Variants in ARHGEF4 observed in about 807,000 individuals in gnomAD.
The protein encoded by ARHGEF4 is APC-stimulated guanine nucleotide exchange factor 1.
ARHGEF4 carries 119 observed loss-of-function variants against 162.0 expected under a neutral mutation model. The observed-to-expected ratio is 0.73, with a 90% confidence interval of 0.63 to 0.86. The LOEUF (loss-of-function observed/expected upper bound fraction) is 0.86, where lower values mean the gene tolerates loss of function less well. Among genes scored for constraint, ARHGEF4 ranks in the 40% least tolerant of loss-of-function variants. The pLI, the probability that ARHGEF4 is intolerant of heterozygous loss-of-function variation, is 0.00. For synonymous variants in ARHGEF4, 1,014 were observed against 979.9 expected (o/e 1.03, Z -0.65); for missense variants, 2,488 against 2,456.0 (o/e 1.01, Z -0.28).
At chr2:130,865,892 G>T (rs1360790801) in intron 1 of ARHGEF4, among the ~76,000 whole-genome samples, 3 of 152,092 alleles carry the variant, frequency 2.0e-5, no homozygotes, top group Non-Finnish European at 2.9e-5. Flanking sequence ...TGCCTGACCA[G>T]CCCAGAGGAG....
chr2:130,955,149 C>T (rs540266160), intron 4 of ARHGEF4, among the ~76,000 whole-genome samples: 33 of 152,236 alleles, frequency 2.2e-4, no homozygotes, highest in African/African-American at 7.7e-4. Flanking sequence ...TGAATGCGTT[C>T]ATTGATATTC....
chr2:130,855,030 C>T (rs1302165256), intron 1 of ARHGEF4, among the ~76,000 whole-genome samples: 2 of 149,556 alleles, frequency 1.3e-5, no homozygotes, highest in Non-Finnish European at 3.0e-5. Context: ...CCCGCGACCA[C>T]GCCCGGCAAA....
chr2:130,976,639 A>C (rs533546476), intron 4 of ARHGEF4, among the ~76,000 whole-genome samples: 90 of 152,308 alleles, frequency 5.9e-4, no homozygotes, highest in African/African-American at 2.1e-3. Context: ...TTCAGAAATA[A>C]ATACGAGTCC....
chr2:130,841,371 CTT>C (rs35533760), intron 1 of ARHGEF4, among the ~76,000 whole-genome samples: 14,490 of 132,794 alleles, frequency 0.11, 1,022 homozygotes, highest in East Asian at 0.2. Flanking sequence ...GCCTAGAAAG[CTT>C]TTTTTTTTTT....
At chr2:131,033,629 G>A (rs1320096580) in intron 5 of ARHGEF4, among the ~76,000 whole-genome samples, 1 of 152,192 alleles carries the variant, frequency 6.6e-6, no homozygotes, top group Non-Finnish European at 1.5e-5. Flanking sequence ...TCTTACTAGA[G>A]GACTGCTGGG....
chr2:130,946,931 C>T, intron 4 of ARHGEF4: 1 of 274,736 alleles, frequency 3.6e-6, no homozygotes, highest in Non-Finnish European at 7.3e-6. Flanking sequence ...GGTGAAACCC[C>T]ATCTCTACTA....
intron 4 of ARHGEF4, among the ~76,000 whole-genome samples, chr2:130,996,092 G>A (rs1429367528): frequency 1.3e-5 from 2 of 152,074 alleles, no homozygotes; most frequent in Non-Finnish European, 2.9e-5. Flanking sequence ...GTTTCACCAT[G>A]TTGGTTAGGC....
intron 1 of ARHGEF4, among the ~76,000 whole-genome samples, chr2:130,913,498 G>A (rs1450630361): frequency 6.6e-6 from 1 of 152,156 alleles, no homozygotes; most frequent in Non-Finnish European, 1.5e-5. Flanking sequence ...TGTTGTTGCT[G>A]TACTTTTTGT....
At chr2:130,893,366 A>G (rs914702612) in intron 1 of ARHGEF4, among the ~76,000 whole-genome samples, 1 of 151,948 alleles carries the variant, frequency 6.6e-6, no homozygotes, top group African/African-American at 2.4e-5. Flanking sequence ...TTTTTTCTCC[A>G]TATCCTCATT....
At chr2:130,839,145 G>T (rs1680423580) in intron 1 of ARHGEF4, among the ~76,000 whole-genome samples, 1 of 152,120 alleles carries the variant, frequency 6.6e-6, no homozygotes, top group South Asian at 2.1e-4. Context: ...TCCACTTCTG[G>T]CTGTGTGAGT....
chr2:131,041,063 C>T (rs940732548), intron 8 of ARHGEF4, among the ~76,000 whole-genome samples, 167 bp from the exon 9 acceptor site: 3 of 152,184 alleles, frequency 2.0e-5, no homozygotes, highest in Admixed American at 2.0e-4. Context: ...TGTGTGACTC[C>T]ATGTAGCTTA....
rs1279897426 is a variant in ARHGEF4 at position 130,864,994 on chromosome 2, T to G, written c.39+28002T>G. On this transcript the variant is annotated intron_variant, in intron 1 of 13. Transcript: ENST00000409359. ...GCAGAGCCAGCCAACCAGCCAGTAC[T>G]TCCTGAACGTTTTTGTTGTATGCAA... Among the ~76,000 whole-genome samples the G allele has an allele frequency of 9.2e-5, 14 of 152,348 alleles. 1 individual carries two copies. Among genetic ancestry groups the G allele is most frequent in the Admixed American group, 7.2e-4 (11 of 15,300 alleles).
intron 4 of ARHGEF4, among the ~76,000 whole-genome samples, chr2:130,977,076 CTG>C (rs1489280214): frequency 3.4e-5 from 5 of 147,416 alleles, no homozygotes; most frequent in Non-Finnish European, 6.0e-5. Context: ...ATGTGTGTTA[CTG>C]TGTGGTGTGT....
At position 130,917,400 on chromosome 2, in the gene ARHGEF4, C is replaced by T; in HGVS notation, c.3454C>T (p.Leu1152=). The stretch of plus-strand genomic sequence containing the variant: ...CAGTTTCCTGCTTTCTCTGCAGACG[C>T]TAAACCAAGATGAGCAGAAGGAAGA... ...QTSFLLSLQT[L]NQDEQKEESR... Residue 1152 remains leucine, a synonymous_variant, in exon 2 of 14, where the codon CTA becomes TTA. Coordinates refer to ENST00000409359, the MANE Select transcript of ARHGEF4 (RefSeq NM_001367493.1). 2 of 1,550,636 alleles carry T rather than the reference C, an allele frequency of 1.3e-6. No individual in the cohort carries two copies. The highest frequency in any genetic ancestry group is 1.7e-6 in the Non-Finnish European group (2 of 1,147,008).
At chr2:130,883,769 C>A (rs1679341815) in intron 1 of ARHGEF4, among the ~76,000 whole-genome samples, 1 of 152,082 alleles carries the variant, frequency 6.6e-6, no homozygotes. Context: ...TTCCAAGAGG[C>A]CTTAGGAAAC....
chr2:131,041,692 T>C, intron 9 of ARHGEF4, 123 bp from the exon 10 acceptor site: 1 of 1,357,006 alleles, frequency 7.4e-7, no homozygotes. Context: ...CATCTGATAG[T>C]GAGGATGTGG....
intron 1 of ARHGEF4, among the ~76,000 whole-genome samples, chr2:130,895,010 C>T (rs1394129879): frequency 6.6e-6 from 1 of 152,144 alleles, no homozygotes; most frequent in Non-Finnish European, 1.5e-5. Flanking sequence ...GACACATGTT[C>T]ACAATTGCAT....
intron 1 of ARHGEF4, among the ~76,000 whole-genome samples, chr2:130,897,902 G>T (rs1057206785): frequency 3.3e-5 from 5 of 152,204 alleles, no homozygotes; most frequent in Admixed American, 6.5e-5. Flanking sequence ...CGTGAAGGCT[G>T]CAGATTGGCA....
At chr2:130,962,431 C>T (rs1409513443) in intron 4 of ARHGEF4, among the ~76,000 whole-genome samples, 1 of 152,102 alleles carries the variant, frequency 6.6e-6, no homozygotes, top group Non-Finnish European at 1.5e-5. Flanking sequence ...ATGGAGCTTC[C>T]AGTCTACCTA....
Sources: gnomAD v4.1 joint callset for allele counts (sites outside exome capture counted in the v4.1 genomes callset) on GRCh38, gnomAD v4.1.1 for gene constraint, MANE v1.5 for transcripts, NCBI Gene and HGNC (gene_info 2026-07-23, HGNC 2026-07-21) for gene names.